Variants in UBE2O observed in about 807,000 individuals in gnomAD.
UBE2O encodes ubiquitin conjugating enzyme E2 O.
UBE2O carries 15 observed loss-of-function variants against 125.8 expected under a neutral mutation model. The observed-to-expected ratio is 0.12, with a 90% CI of 0.08 to 0.18. The LOEUF is 0.18. Among genes scored for constraint, UBE2O ranks in the 10% least tolerant of loss-of-function variants. UBE2O has a pLI of 1.00. For synonymous variants in UBE2O, 708 were observed against 703.2 expected (o/e 1.01, Z -0.11); for missense variants, 1,280 against 1,723.6 (o/e 0.74, Z 4.56).
At chr17:76,423,564 G>A (rs1285144718) in intron 1 of UBE2O, among the ~76,000 whole-genome samples, 4 of 151,604 alleles carry the variant, frequency 2.6e-5, no homozygotes, top group Non-Finnish European at 4.4e-5. Flanking sequence ...ATGGTGGCAC[G>A]TACCTATAGT....
intron 1 of UBE2O, among the ~76,000 whole-genome samples, chr17:76,414,121 A>AGG (rs2143770226): frequency 6.6e-6 from 1 of 152,312 alleles, no homozygotes; most frequent in African/African-American, 2.4e-5. Flanking sequence ...ACAAATGGCC[A>AGG]GGGGGCCTCA....
intron 1 of UBE2O, among the ~76,000 whole-genome samples, chr17:76,447,925 G>C (rs1329052743): frequency 6.6e-6 from 1 of 152,152 alleles, no homozygotes; most frequent in Non-Finnish European, 1.5e-5. Context: ...GGCCATCCTA[G>C]GCTTGACCCA....
rs142850772 is a variant in UBE2O at position 76,393,265 on chromosome 17, T to G, written c.2947-1152A>C. Among the ~76,000 whole-genome samples the G allele has an allele frequency of 8.4e-3, 1,156 of 137,490 alleles. 19 individuals carry two copies. The highest frequency in any genetic ancestry group is 0.03 in the African/African-American group (1,112 of 36,912). The allele number at this position is 137,490 out of a possible 152,430, so 90.2% of individuals were successfully genotyped here. Reference sequence around the variant, plus strand: ...AGAGTGAGACCCTGTCTTTTATTTTTTGGCTTATGTGTTTTTTTGAGATGG... The same window carrying G: ...AGAGTGAGACCCTGTCTTTTATTTTGTGGCTTATGTGTTTTTTTGAGATGG... On this transcript the variant is annotated intron_variant, in intron 15 of 17. Coordinates refer to ENST00000319380, the MANE Select transcript of UBE2O (RefSeq NM_022066.4).
intron 1 of UBE2O, among the ~76,000 whole-genome samples, chr17:76,418,976 T>A (rs2072662411): frequency 6.6e-6 from 1 of 152,108 alleles, no homozygotes; most frequent in Non-Finnish European, 1.5e-5. Flanking sequence ...CCTAGGTGAA[T>A]CTGATAGTTA....
chr17:76,452,742 G>T lies in UBE2O; in HGVS notation c.400C>A (p.His134Asn). 6.7e-7 allele frequency: 1 copy of T among 1,498,124 alleles called. No homozygotes were observed. Among genetic ancestry groups the T allele is most frequent in the Non-Finnish European group, 8.8e-7 (1 of 1,133,438 alleles). The allele number at this position is 1,498,124 out of a possible 1,614,324, so 92.8% of individuals were successfully genotyped here. Residue 134 changes from histidine (H) to asparagine (N), a missense_variant, in exon 1 of 18, where the codon CAT becomes AAT. Transcript: ENST00000319380. The surrounding 1 kb of genome is among the most constrained non-coding windows in gnomAD (Gnocchi z 4.4). ...VQWYPEGVKQHVKETKLKLED... is the reference protein window; with the variant it reads ...VQWYPEGVKQNVKETKLKLED... ...CGCCGCACCTTGGTCTCCTTCACATGCTGCTTGACGCCCTCCGGGTACCAC... is the reference window on the plus strand; with the variant it reads ...CGCCGCACCTTGGTCTCCTTCACATTCTGCTTGACGCCCTCCGGGTACCAC...
rs578252986 is a variant in UBE2O at position 76,395,462 on chromosome 17, G to T, written c.2946+263C>A. 40 of 355,350 alleles carry T rather than the reference G, an allele frequency of 1.1e-4. No individual in the cohort carries two copies. Among genetic ancestry groups the T allele is most frequent in the Middle Eastern group, 7.8e-4 (1 of 1,276 alleles). 22.0% of individuals were successfully genotyped at this position (355,350 alleles called of 1,614,324 possible). A position where few individuals can be genotyped will look rare whatever the true frequency, so the allele number is the denominator to read the frequency against. The stretch of plus-strand genomic sequence containing the variant: ...CCACCTCGGCCTCCCAAAGTGCTGG[G>T]ATTACGGGTGTGAGCCACTGCGCCC... On this transcript the variant is annotated intron_variant, in intron 15 of 17. Coordinates refer to ENST00000319380, the MANE Select transcript of UBE2O (RefSeq NM_022066.4). This position sits in a 1 kb window ranked among gnomAD's most constrained non-coding sequence, Gnocchi z 5.0.
chr17:76,431,779 T>TA (rs574876637), intron 1 of UBE2O, among the ~76,000 whole-genome samples: 165 of 152,270 alleles, frequency 1.1e-3, no homozygotes, highest in Non-Finnish European at 1.7e-3. Flanking sequence ...TATGAAAAAG[T>TA]AAAATTAAGA....
At chr17:76,423,312 G>A (rs2072739798) in intron 1 of UBE2O, among the ~76,000 whole-genome samples, 1 of 152,262 alleles carries the variant, frequency 6.6e-6, no homozygotes, top group Non-Finnish European at 1.5e-5. Context: ...CCAGGAATTC[G>A]ACGCTGCAGT....
intron 1 of UBE2O, among the ~76,000 whole-genome samples, chr17:76,418,633 G>A (rs1019914706): frequency 2.6e-5 from 4 of 151,200 alleles, no homozygotes; most frequent in East Asian, 2.0e-4. Flanking sequence ...GCAGTGGCGC[G>A]ATCTCGGCTC....
In UBE2O at chr17:76,453,115, G is replaced by A; in HGVS notation, c.27C>T (p.Pro9=). 5.1e-6 allele frequency: 4 copies of A among 786,668 alleles called. No individual in the cohort carries two copies. The highest frequency in any genetic ancestry group is 7.1e-6 in the Non-Finnish European group (4 of 560,214). 48.7% of individuals were successfully genotyped at this position (786,668 alleles called of 1,614,324 possible). A position where few individuals can be genotyped will look rare whatever the true frequency, so the allele number is the denominator to read the frequency against. Residue 9 remains proline, a synonymous_variant, in exon 1 of 18, where the codon CCC becomes CCT. Transcript: ENST00000319380. The part of the protein sequence containing the change: MADPAAPT[P]AAPAPAQAPA... Reference sequence around the variant, plus strand: ...GGGCCTGGGCTGGAGCGGGAGCTGCGGGCGTGGGGGCTGCGGGATCCGCCA... The same window carrying A: ...GGGCCTGGGCTGGAGCGGGAGCTGCAGGCGTGGGGGCTGCGGGATCCGCCA...
intron 1 of UBE2O, among the ~76,000 whole-genome samples, chr17:76,431,811 A>T (rs2072912790): frequency 6.6e-6 from 1 of 152,208 alleles, no homozygotes; most frequent in Non-Finnish European, 1.5e-5. Context: ...TAAAAAGAAC[A>T]GCTCCATTAG....
At chr17:76,394,130 G>GT (rs1437229625) in intron 15 of UBE2O, among the ~76,000 whole-genome samples, 2 of 152,222 alleles carry the variant, frequency 1.3e-5, no homozygotes, top group African/African-American at 4.8e-5. Flanking sequence ...CTGTTCCAGG[G>GT]TTGTGGCTAC....
rs1328519068 is a variant in UBE2O at position 76,405,167 on chromosome 17, G to A, written c.588+39C>T. On this transcript the variant is annotated intron_variant, in intron 3 of 17. Transcript: ENST00000319380. The surrounding 1 kb of genome is among the most constrained non-coding windows in gnomAD (Gnocchi z 6.1). ...AGGTCGTGCCGCCGAGAGAACCAGAGGGCCCAGAAAGGATGATGAGAAGAC... is the reference window on the plus strand; with the variant it reads ...AGGTCGTGCCGCCGAGAGAACCAGAAGGCCCAGAAAGGATGATGAGAAGAC... 2 of 1,481,338 alleles carry A rather than the reference G, an allele frequency of 1.4e-6. No homozygotes were observed. The highest frequency in any genetic ancestry group is 2.3e-5 in the East Asian group (1 of 43,128). 91.8% of individuals were successfully genotyped at this position (1,481,338 alleles called of 1,614,324 possible).
chr17:76,437,089 C>A (rs1038159795), intron 1 of UBE2O, among the ~76,000 whole-genome samples: 38 of 150,086 alleles, frequency 2.5e-4, no homozygotes, highest in African/African-American at 7.8e-4. Context: ...GTAGAGGTTG[C>A]AGTGAGCTGA....
chr17:76,393,809 T>C (rs11077815), intron 15 of UBE2O, among the ~76,000 whole-genome samples: 80,303 of 151,856 alleles, frequency 0.53, 22,410 homozygotes, highest in Non-Finnish European at 0.62. Context: ...GGATCTCAAC[T>C]GACAGGGCAA....
At chr17:76,412,040 A>G (rs558114391) in intron 1 of UBE2O, among the ~76,000 whole-genome samples, 231 of 152,274 alleles carry the variant, frequency 1.5e-3, no homozygotes, top group African/African-American at 5.3e-3. Flanking sequence ...AAGGTCCAGC[A>G]TCATGCCAAG....
intron 1 of UBE2O, among the ~76,000 whole-genome samples, chr17:76,425,462 T>C (rs530274513): frequency 2.3e-4 from 35 of 152,334 alleles, no homozygotes; most frequent in African/African-American, 7.0e-4. Context: ...TTTTTAATTT[T>C]TTAGCTGTTT....
At chr17:76,392,409 T>G (rs2072128951) in intron 15 of UBE2O, among the ~76,000 whole-genome samples, 1 of 151,872 alleles carries the variant, frequency 6.6e-6, no homozygotes, top group African/African-American at 2.4e-5. Flanking sequence ...GGGACTACAG[T>G]GTGGGCCACC....
chr17:76,452,714 G>A lies in UBE2O; in HGVS notation c.417+11C>T, dbSNP rs998625508. ...CTGCCGCCCGCGCCGCCCAGCCCCCGCCCGCCGCACCTTGGTCTCCTTCAC... is the reference window on the plus strand; with the variant it reads ...CTGCCGCCCGCGCCGCCCAGCCCCCACCCGCCGCACCTTGGTCTCCTTCAC... On this transcript the variant is annotated intron_variant, in intron 1 of 17. Coordinates refer to ENST00000319380, the MANE Select transcript of UBE2O (RefSeq NM_022066.4). This position sits in a 1 kb window ranked among gnomAD's most constrained non-coding sequence, Gnocchi z 4.4. 7.2e-7 allele frequency: 1 copy of A among 1,381,924 alleles called. No homozygotes were observed. The highest frequency in any genetic ancestry group is 1.7e-5 in the South Asian group (1 of 59,670). The allele number at this position is 1,381,924 out of a possible 1,614,324, so 85.6% of individuals were successfully genotyped here. A position where few individuals can be genotyped will look rare whatever the true frequency, so the allele number is the denominator to read the frequency against.
Sources: gnomAD v4.1 joint callset for allele counts (sites outside exome capture counted in the v4.1 genomes callset) on GRCh38, gnomAD v4.1.1 for gene constraint, Gnocchi (gnomAD v3.1) non-coding constraint, MANE v1.5 for transcripts, NCBI Gene and HGNC (gene_info 2026-07-23, HGNC 2026-07-21) for gene names.